ACTN4: variants seen among roughly 807,000 people sequenced by gnomAD.
The protein encoded by ACTN4 is actinin alpha 4, also known as alpha-actinin-4.
A neutral mutation model predicts 114.2 loss-of-function variants in ACTN4; 18 were observed. That is an observed-to-expected ratio of 0.16 (90% CI 0.11 to 0.23). ACTN4 has a LOEUF of 0.23. ACTN4 is among the 10% of genes least tolerant of loss of function. The probability of loss-of-function intolerance (pLI) is 1.00; values close to 1 mark genes in which losing one functional copy is unlikely to be tolerated. For missense variants in ACTN4, 722 were observed against 1,262.9 expected, an observed-to-expected ratio of 0.57 and a Z score of 6.49; for synonymous variants, 515 against 506.3, an observed-to-expected ratio of 1.02 and a Z score of -0.23.
At chr19:38,672,635 A>G (rs898388700) in intron 1 of ACTN4, among the ~76,000 whole-genome samples, 14 of 149,892 alleles carry the variant, frequency 9.3e-5, no homozygotes, top group African/African-American at 2.9e-4. Context: ...GTGTAATGGC[A>G]CGATCTCGGC....
chr19:38,704,351 C>T (rs182543285), intron 3 of ACTN4, among the ~76,000 whole-genome samples: 3 of 152,110 alleles, frequency 2.0e-5, no homozygotes, highest in Non-Finnish European at 2.9e-5. Flanking sequence ...GGATTATGGG[C>T]GGGAAGGGTA....
intron 1 of ACTN4, among the ~76,000 whole-genome samples, chr19:38,655,563 C>A (rs536264857): frequency 6.6e-6 from 1 of 152,122 alleles, no homozygotes; most frequent in Admixed American, 6.5e-5. Context: ...GCACCTTGTC[C>A]AGGAGCACAC....
chr19:38,712,490 AGCTGC>A, intron 8 of ACTN4, among the ~76,000 whole-genome samples: 1 of 152,254 alleles, frequency 6.6e-6, no homozygotes, highest in East Asian at 1.9e-4. Context: ...CTGGCACGGC[AGCTGC>A]CATTTAGGCA....
At chr19:38,652,866 A>T (rs981635622) in intron 1 of ACTN4, among the ~76,000 whole-genome samples, 6 of 152,048 alleles carry the variant, frequency 3.9e-5, no homozygotes, top group African/African-American at 1.4e-4. Context: ...TGGGCAGATC[A>T]CCTGAGGTCA....
chr19:38,697,630 A>G (rs1464103690), intron 1 of ACTN4, among the ~76,000 whole-genome samples: 1 of 152,202 alleles, frequency 6.6e-6, no homozygotes, highest in Non-Finnish European at 1.5e-5. Context: ...CAGCCCACAC[A>G]GGCCAAGGCT....
rs908684278 is a variant in ACTN4 at position 38,649,067 on chromosome 19, T to C, written c.162+1160T>C. 2.0e-5 allele frequency among the ~76,000 whole-genome samples: 3 copies of C among 147,324 alleles called. No individual in the cohort carries two copies. In the Admixed American group the frequency reaches 2.1e-4, roughly 10 times the overall value. On this transcript the variant is annotated intron_variant, in intron 1 of 20. Transcript: ENST00000252699. ...TGTGTGTCGTGCAGGCAGAATGAGT[T>C]TGGGGAGGAAGCGTTGAGAGTGTCC...
At chr19:38,722,258 AGCAGCAGGGCGGGCCCAG>A (rs1049446873) in intron 12 of ACTN4, among the ~76,000 whole-genome samples, 3 of 152,196 alleles carry the variant, frequency 2.0e-5, no homozygotes, top group African/African-American at 7.2e-5. Flanking sequence ...TGCAGCGGCC[AGCAGCAGGGCGGGCCCAG>A]GCAGCAGGAG....
intron 1 of ACTN4, among the ~76,000 whole-genome samples, chr19:38,687,122 T>C (rs560235646): frequency 6.6e-6 from 1 of 152,036 alleles, no homozygotes; most frequent in African/African-American, 2.4e-5. Flanking sequence ...TGCCACCACG[T>C]CTGGCTAATT....
At chr19:38,712,204 G>A (rs537519510) in intron 8 of ACTN4, among the ~76,000 whole-genome samples, 24 of 152,198 alleles carry the variant, frequency 1.6e-4, no homozygotes, top group South Asian at 6.2e-4. Context: ...TTTGAGAGAG[G>A]AGGAATTGAA....
intron 17 of ACTN4, among the ~76,000 whole-genome samples, chr19:38,726,666 T>A (rs535561637): frequency 6.6e-6 from 1 of 152,292 alleles, no homozygotes; most frequent in East Asian, 1.9e-4. Context: ...TGAGAGCCAG[T>A]GGTGAGACAC....
At chr19:38,705,532 G>C (rs969893583) in intron 4 of ACTN4, among the ~76,000 whole-genome samples, 1 of 152,228 alleles carries the variant, frequency 6.6e-6, no homozygotes, top group African/African-American at 2.4e-5. Flanking sequence ...GTGCCAGGTC[G>C]CAGTGATGAC....
chr19:38,720,496 T>C (rs1353648913), intron 11 of ACTN4, among the ~76,000 whole-genome samples: 1 of 152,206 alleles, frequency 6.6e-6, no homozygotes, highest in Non-Finnish European at 1.5e-5. Flanking sequence ...GCAGGGCCGG[T>C]GGAGCCAGAG....
chr19:38,719,912 A>T (rs1968978540), intron 11 of ACTN4, among the ~76,000 whole-genome samples: 1 of 152,228 alleles, frequency 6.6e-6, no homozygotes, highest in African/African-American at 2.4e-5. Flanking sequence ...AAGCCAGCTC[A>T]GTCTCCGGCC....
chr19:38,669,081 G>T (rs984435086), intron 1 of ACTN4, among the ~76,000 whole-genome samples: 1 of 152,088 alleles, frequency 6.6e-6, no homozygotes, highest in Non-Finnish European at 1.5e-5. Flanking sequence ...CTGTCTCCTG[G>T]GTTCAAGCGA....
At chr19:38,728,374 A>ATG in intron 19 of ACTN4, 1 of 1,379,046 alleles carries the variant, frequency 7.3e-7, no homozygotes, top group Non-Finnish European at 9.6e-7. Context: ...TCCACAGGAT[A>ATG]CAGCCTGGTA....
chr19:38,670,617 G>A (rs1018213056), intron 1 of ACTN4, among the ~76,000 whole-genome samples: 6 of 152,022 alleles, frequency 3.9e-5, no homozygotes, highest in Non-Finnish European at 8.8e-5. Context: ...GAGTTTTATG[G>A]GGCATTTCAT....
intron 12 of ACTN4, among the ~76,000 whole-genome samples, chr19:38,722,907 G>A (rs1379156896): frequency 1.3e-5 from 2 of 152,202 alleles, no homozygotes; most frequent in African/African-American, 2.4e-5. Flanking sequence ...ACGGAAGGGA[G>A]GGCTGTCCGG....
chr19:38,664,424 G>A (rs1966895287), intron 1 of ACTN4, among the ~76,000 whole-genome samples: 2 of 152,112 alleles, frequency 1.3e-5, no homozygotes, highest in African/African-American at 2.4e-5. Flanking sequence ...GGGTAGCGGC[G>A]CTTGCCTCTT....
intron 1 of ACTN4, among the ~76,000 whole-genome samples, chr19:38,673,533 A>ATATGAATATATATATATT: frequency 1.5e-5 from 1 of 64,716 alleles, no homozygotes; most frequent in Non-Finnish European, 4.0e-5. Context: ...ATATTCATAT[A>ATATGAATATATATATATT]TACTTATATA....
Sources: gnomAD v4.1 joint callset for allele counts (sites outside exome capture counted in the v4.1 genomes callset) on GRCh38, gnomAD v4.1.1 for gene constraint, MANE v1.5 for transcripts, NCBI Gene and HGNC (gene_info 2026-07-23, HGNC 2026-07-21) for gene names.